Variants in OR8B3 observed in about 807,000 individuals in gnomAD.
OR8B3 encodes the protein olfactory receptor family 8 subfamily B member 3.
For synonymous variants in OR8B3, 102 were observed against 135.4 expected, an observed-to-expected ratio of 0.75 and a Z score of 1.71; for missense variants, 278 against 377.6, an observed-to-expected ratio of 0.74 and a Z score of 2.19.
At chr11:124,404,006 G>T (rs1013057027), upstream of OR8B3, among the ~76,000 whole-genome samples, 2 of 152,150 alleles carry the variant, frequency 1.3e-5, no homozygotes, top group Admixed American at 6.5e-5. Flanking sequence ...CCAGGCACTC[G>T]GCAGGCTGAG....
intron 1 of OR8B3, among the ~76,000 whole-genome samples, chr11:124,398,154 A>G (rs1394698164): frequency 6.6e-6 from 1 of 152,206 alleles, no homozygotes; most frequent in Admixed American, 6.5e-5. Context: ...ACCTTACTAT[A>G]AGAATCCATG....
At chr11:124,403,114 C>A (rs551622868), upstream of OR8B3, among the ~76,000 whole-genome samples, 277 of 152,190 alleles carry the variant, frequency 1.8e-3, no homozygotes, top group Non-Finnish European at 3.1e-3. Context: ...TGAGTGGACA[C>A]AGCACATGTT....
upstream of OR8B3, among the ~76,000 whole-genome samples, chr11:124,401,222 C>CAGAGAGAGAG (rs3071311): frequency 0.12 from 17,073 of 142,348 alleles, 1,166 homozygotes; most frequent in Non-Finnish European, 0.16. Flanking sequence ...TGCAAAGAGA[C>CAGAGAGAGAG]AGAGAGAGAG....
rs1438189916 is a variant in OR8B3, at chr11:124,398,714, T to C, written c.-42A>G. The C allele has an allele frequency of 6.6e-6, 1 of 152,208 alleles. No homozygotes were observed. The highest frequency in any genetic ancestry group is 2.4e-5 in the African/African-American group (1 of 41,444). The allele number at this position is 152,208 out of a possible 1,614,324, so 9.4% of individuals were successfully genotyped here. ...CCTTCCTTCCACTCAGAGAACTCAG[T>C]GCTGACCATTGATATGTGTTTCACC... On this transcript the variant is annotated 5_prime_UTR_variant, in exon 1 of 2. Transcript: ENST00000641139.
upstream of OR8B3, among the ~76,000 whole-genome samples, chr11:124,399,284 A>T (rs1860950803): frequency 6.7e-6 from 1 of 150,168 alleles, no homozygotes; most frequent in African/African-American, 2.5e-5. Context: ...TTATATGCTC[A>T]TTTTTAATAT....
rs770085197 is a variant in OR8B3 at position 124,397,198 on chromosome 11, T to G, written c.154A>C (p.Asn52His). 17 of 1,610,784 alleles carry G rather than the reference T, an allele frequency of 1.1e-5. No homozygotes were observed. The highest frequency in any genetic ancestry group is 1.4e-5 in the Non-Finnish European group (17 of 1,179,524). ...NLGLIILFGL[N>H]SHLHTPMYYF... Reference sequence around the variant, plus strand: ...TACATTGGTGTGTGGAGGTGAGAATTTAGACCGAAAAGAATGATCAAGCCA... The same window carrying G: ...TACATTGGTGTGTGGAGGTGAGAATGTAGACCGAAAAGAATGATCAAGCCA... The change falls in exon 2 of 2, where the codon AAT becomes CAT. Residue 52 changes from asparagine to histidine, a missense_variant. Coordinates refer to ENST00000641139, the MANE Select transcript of OR8B3 (RefSeq NM_001005467.2).
chr11:124,405,544 T>C, the OR8B3 span, among the ~76,000 whole-genome samples: 16 of 152,312 alleles, frequency 1.1e-4, no homozygotes, highest in Admixed American at 7.8e-4. Flanking sequence ...CCCACTGTCT[T>C]GAAGGGGGCA....
Position 124,396,240 on chromosome 11 carries a change from C to A in OR8B3, c.*170G>T. 2 of 634,712 alleles carry A rather than the reference C, an allele frequency of 3.2e-6. No individual in the cohort carries two copies. The highest frequency in any genetic ancestry group is 5.2e-6 in the Non-Finnish European group (2 of 381,612). The allele number at this position is 634,712 out of a possible 1,614,324, so 39.3% of individuals were successfully genotyped here. ...TATTTAGTAAAATTGTGAGAAGTGC[C>A]AGAGATGCAAAACCAAAAAAAGAGA... On this transcript the variant is annotated 3_prime_UTR_variant, in exon 2 of 2. Transcript: ENST00000641139.
Position 124,397,071 on chromosome 11 carries a change from T to A in OR8B3, c.281A>T (p.Tyr94Phe). ...NFVSKKNIIS[Y>F]VGCMTQLFFF... ...AAACAGCTGAGTCATGCACCCAACA[T>A]AGGAGATAATATTCTTTTTTGATAC... Residue 94 changes from tyrosine to phenylalanine, a missense_variant, in exon 2 of 2, where the codon TAT becomes TTT. Physicochemically the swap from Tyr to Phe is conservative, Grantham distance 22. Coordinates refer to ENST00000641139, the MANE Select transcript of OR8B3 (RefSeq NM_001005467.2). The A allele has an allele frequency of 6.2e-7, 1 of 1,613,806 alleles. No individual in the cohort carries two copies. Among genetic ancestry groups the A allele is most frequent in the Admixed American group, 1.7e-5 (1 of 59,976 alleles).
chr11:124,397,632 T>C (rs1170610977), intron 1 of OR8B3, among the ~76,000 whole-genome samples: 7 of 152,000 alleles, frequency 4.6e-5, no homozygotes, highest in African/African-American at 1.7e-4. Flanking sequence ...CTACCTGCTG[T>C]TGAGCTTGGG....
rs1163787162 is a variant in OR8B3, at chr11:124,395,731, C to A, written c.*679G>T. The A allele has an allele frequency of 6.6e-6, 1 of 152,154 alleles. No homozygotes were observed. The highest frequency in any genetic ancestry group is 1.5e-5 in the Non-Finnish European group (1 of 68,042). 9.4% of individuals were successfully genotyped at this position (152,154 alleles called of 1,614,324 possible). On this transcript the variant is annotated 3_prime_UTR_variant, in exon 2 of 2. Transcript: ENST00000641139. ...ATCCTGAGGTCCACATGTATTATTT[C>A]TCTAATCATCCTCTGTAAATGCTGC...
Position 124,397,142 on chromosome 11 carries a change from A to G in OR8B3, c.210T>C (p.Asp70=), listed in dbSNP as rs1287638142. Residue 70 remains aspartate (D), a synonymous_variant, in exon 2 of 2, where the codon GAT becomes GAC. Transcript: ENST00000641139. ...GAGTGAAAACAGAGGAGTAACAGAG[A>G]TCAATGAAGGAGAGATTGAAGAGGA... ...YYFLFNLSFI[D]LCYSSVFTPK... 2.5e-6 allele frequency: 4 copies of G among 1,612,574 alleles called. No homozygotes were observed. In the East Asian group the frequency reaches 6.7e-5, roughly 27 times the overall value.
chr11:124,407,339 T>A, the OR8B3 span, among the ~76,000 whole-genome samples: 2 of 152,156 alleles, frequency 1.3e-5, no homozygotes, highest in African/African-American at 4.8e-5. Flanking sequence ...TCTCCATTTT[T>A]AAAGTGAACT....
chr11:124,399,503 C>T (rs868658904), upstream of OR8B3, among the ~76,000 whole-genome samples: 1 of 152,018 alleles, frequency 6.6e-6, no homozygotes, highest in African/African-American at 2.4e-5. Context: ...AAATCAAATC[C>T]GTAAGAAAAA....
rs1860940606 is a variant in OR8B3 at position 124,398,813 on chromosome 11, C to G, written c.-141G>C. ...AGATGTAGTCACAGAATCTTCTTCT[C>G]CCTTGACTGGCAAAAGCATTGAGCA... On this transcript the variant is annotated 5_prime_UTR_variant, in exon 1 of 2. Transcript: ENST00000641139. 6.6e-6 allele frequency: 1 copy of G among 152,182 alleles called. No individual in the cohort carries two copies. The highest frequency in any genetic ancestry group is 1.5e-5 in the Non-Finnish European group (1 of 68,040). The allele number at this position is 152,182 out of a possible 1,614,324, so 9.4% of individuals were successfully genotyped here.
chr11:124,397,513 ACTC>A, intron 1 of OR8B3, 145 bp from the exon 2 acceptor site: 1 of 553,110 alleles, frequency 1.8e-6, no homozygotes, highest in Non-Finnish European at 3.2e-6. Context: ...TGCCACTCCC[ACTC>A]CTCAACATTT....
chr11:124,408,171 G>A, the OR8B3 span, among the ~76,000 whole-genome samples: 1 of 152,020 alleles, frequency 6.6e-6, no homozygotes, highest in African/African-American at 2.4e-5. Flanking sequence ...TGGTATTTTT[G>A]TTTTGTAATT....
At chr11:124,399,643 T>C (rs1030215716), upstream of OR8B3, among the ~76,000 whole-genome samples, 3 of 152,194 alleles carry the variant, frequency 2.0e-5, no homozygotes, top group African/African-American at 7.2e-5. Context: ...TCACAAGAAG[T>C]GGCAAAAGTC....
intron 1 of OR8B3, 82 bp downstream of exon 1, chr11:124,398,608 A>G (rs1213919794): frequency 6.6e-6 from 1 of 152,172 alleles, no homozygotes; most frequent in Non-Finnish European, 1.5e-5. Context: ...CATACCACTA[A>G]GTTTCTTGCT....
Sources: allele counts gnomAD v4.1 joint callset (sites outside exome capture counted in the v4.1 genomes callset), GRCh38; gene constraint gnomAD v4.1.1; transcripts MANE v1.5; gene names NCBI Gene and HGNC (gene_info 2026-07-23, HGNC 2026-07-21).